CCDC178: variants seen among roughly 807,000 people sequenced by gnomAD.
CCDC178 encodes coiled-coil domain containing 178.
In CCDC178, 126 loss-of-function variants were observed where a neutral mutation model predicts 117.4. The ratio of observed to expected loss-of-function variants is 1.07; its 90% confidence interval spans 0.93 to 1.24. The LOEUF (loss-of-function observed/expected upper bound fraction) is 1.24, where lower values mean the gene tolerates loss of function less well. Ranked by LOEUF, CCDC178 falls within the 50% of genes most tolerant of loss-of-function variation. The pLI is 0.00. For synonymous variants in CCDC178, 283 were observed against 313.4 expected (o/e 0.90, Z 1.02); for missense variants, 1,030 against 986.9 (o/e 1.04, Z -0.59).
chr18:33,072,361 T>C (rs959980147), intron 21 of CCDC178, among the ~76,000 whole-genome samples: 4 of 152,120 alleles, frequency 2.6e-5, no homozygotes, highest in African/African-American at 4.8e-5. Flanking sequence ...TAAGAAAAAC[T>C]TGACAAAATG....
At chr18:33,196,639 G>C (rs763051954) in intron 20 of CCDC178, among the ~76,000 whole-genome samples, 29 of 152,176 alleles carry the variant, frequency 1.9e-4, no homozygotes, top group Non-Finnish European at 3.4e-4. Context: ...TATGGGTACA[G>C]GGCCTACCAC....
intron 21 of CCDC178, among the ~76,000 whole-genome samples, chr18:33,044,614 T>C (rs568597591): frequency 2.0e-5 from 3 of 152,092 alleles, no homozygotes; most frequent in Admixed American, 6.6e-5. Context: ...AAAAGCAGTA[T>C]AGAGATTTCT....
intron 21 of CCDC178, among the ~76,000 whole-genome samples, chr18:33,007,131 T>A (rs1012913817): frequency 6.6e-6 from 1 of 152,088 alleles, no homozygotes; most frequent in Non-Finnish European, 1.5e-5. Context: ...TATAAACTAC[T>A]TCGGTATAGG....
chr18:33,250,027 G>A (rs2059600665), intron 14 of CCDC178, among the ~76,000 whole-genome samples: 1 of 151,846 alleles, frequency 6.6e-6, no homozygotes, highest in Non-Finnish European at 1.5e-5. Context: ...TCTCTTTGAA[G>A]CAATTGTGAA....
At chr18:33,243,627 T>G (rs1363225589) in intron 15 of CCDC178, among the ~76,000 whole-genome samples, 1 of 151,930 alleles carries the variant, frequency 6.6e-6, no homozygotes, top group Non-Finnish European at 1.5e-5. Flanking sequence ...TTGCATTGAA[T>G]CTGTAAGTTC....
intron 3 of CCDC178, among the ~76,000 whole-genome samples, chr18:33,408,666 A>T (rs1452873234): frequency 3.9e-5 from 6 of 152,142 alleles, no homozygotes. Flanking sequence ...ATGTTTACAC[A>T]TGCAAAGTAT....
chr18:33,267,691 A>G (rs1441534763), intron 12 of CCDC178, among the ~76,000 whole-genome samples: 1 of 151,530 alleles, frequency 6.6e-6, no homozygotes, highest in Non-Finnish European at 1.5e-5. Context: ...GCTTTAGGAA[A>G]GACTAGGTAA....
intron 22 of CCDC178, among the ~76,000 whole-genome samples, chr18:32,944,238 G>C (rs2054298248): frequency 6.6e-6 from 1 of 152,058 alleles, no homozygotes; most frequent in African/African-American, 2.4e-5. Context: ...GGAAGTTTAG[G>C]GAAATCTAAT....
intron 5 of CCDC178, among the ~76,000 whole-genome samples, chr18:33,388,678 C>T (rs1241753319): frequency 1.3e-5 from 2 of 149,968 alleles, no homozygotes; most frequent in African/African-American, 4.9e-5. Flanking sequence ...CGCCACTACG[C>T]CCGGCTAATT....
intron 10 of CCDC178, among the ~76,000 whole-genome samples, chr18:33,327,012 C>A (rs1340868173): frequency 3.3e-5 from 5 of 151,884 alleles, no homozygotes; most frequent in African/African-American, 1.2e-4. Context: ...AGGCCTCTAG[C>A]CAGGGCCTTA....
chr18:33,009,654 T>A (rs2055822819), intron 21 of CCDC178, among the ~76,000 whole-genome samples: 1 of 152,140 alleles, frequency 6.6e-6, no homozygotes, highest in Non-Finnish European at 1.5e-5. Flanking sequence ...TAGATTAATT[T>A]CTTAATACAC....
intron 22 of CCDC178, among the ~76,000 whole-genome samples, chr18:32,969,376 C>T (rs1206340599): frequency 1.3e-5 from 2 of 152,006 alleles, no homozygotes; most frequent in East Asian, 1.9e-4. Context: ...CCTAATGCAC[C>T]TGGCCTGTTT....
chr18:33,148,516 T>A (rs1214658869), intron 20 of CCDC178, among the ~76,000 whole-genome samples: 1 of 151,902 alleles, frequency 6.6e-6, no homozygotes, highest in Non-Finnish European at 1.5e-5. Flanking sequence ...AGCTGATTTC[T>A]ACCATTCTGA....
At position 33,091,248 on chromosome 18, in the gene CCDC178, C is replaced by CA. The variant is rs1446383613; in HGVS notation, c.2388+1512dup. Among the ~76,000 whole-genome samples, 5 of 146,878 alleles carry CA rather than the reference C, an allele frequency of 3.4e-5. No individual in the cohort carries two copies. The East Asian group carries it at 1.0e-3, about 30-fold the overall frequency. ...ATACATGCCCTTTCTTTGAGTCCTGCAAAATGGTTTGAGGACACTAAGATT... is the reference window on the plus strand; with the variant it reads ...ATACATGCCCTTTCTTTGAGTCCTGCAAAAATGGTTTGAGGACACTAAGATT... On this transcript the variant is annotated intron_variant, in intron 21 of 22. Coordinates refer to ENST00000383096, the MANE Select transcript of CCDC178 (RefSeq NM_001105528.4).
intron 11 of CCDC178, among the ~76,000 whole-genome samples, chr18:33,305,844 A>G (rs2062240743): frequency 6.6e-6 from 1 of 152,018 alleles, no homozygotes; most frequent in Non-Finnish European, 1.5e-5. Flanking sequence ...TTAAGGGATC[A>G]TTTTTGGGGG....
chr18:33,266,772 C>A, intron 14 of CCDC178, 144 bp downstream of exon 14: 1 of 843,758 alleles, frequency 1.2e-6, no homozygotes, highest in South Asian at 2.2e-5. Flanking sequence ...TGACTAAAGG[C>A]AACATTTTGA....
chr18:33,248,112 T>G (rs1568086383), intron 14 of CCDC178, among the ~76,000 whole-genome samples: 1 of 151,934 alleles, frequency 6.6e-6, no homozygotes, highest in Admixed American at 6.6e-5. Flanking sequence ...ATTAAGGACA[T>G]ACAAAGTGAT....
At chr18:33,007,926 T>C (rs2055783803) in intron 21 of CCDC178, among the ~76,000 whole-genome samples, 2 of 152,154 alleles carry the variant, frequency 1.3e-5, no homozygotes, top group East Asian at 1.9e-4. Flanking sequence ...ATTTGAATAG[T>C]GATAGTACAT....
chr18:33,140,655 C>G (rs1007089391), intron 20 of CCDC178, among the ~76,000 whole-genome samples: 1 of 152,148 alleles, frequency 6.6e-6, no homozygotes, highest in Non-Finnish European at 1.5e-5. Flanking sequence ...TAGGGAATAA[C>G]TAGCTTTTGA....
Sources: gnomAD v4.1 joint callset for allele counts (sites outside exome capture counted in the v4.1 genomes callset) on GRCh38, gnomAD v4.1.1 for gene constraint, MANE v1.5 for transcripts, NCBI Gene and HGNC (gene_info 2026-07-23, HGNC 2026-07-21) for gene names.